Variants in CYRIB observed in about 807,000 individuals in gnomAD.
The protein encoded by CYRIB is CYFIP-related Rac1 interactor B.
Under a neutral mutation model 44.2 loss-of-function variants are expected in CYRIB, and 8 were observed. The observed-to-expected ratio is 0.18, with a 90% CI of 0.11 to 0.33. The LOEUF (loss-of-function observed/expected upper bound fraction) is 0.33, where lower values mean the gene tolerates loss of function less well. Ranked by LOEUF, CYRIB falls within the 10% of genes least tolerant of loss-of-function variation. CYRIB has a pLI of 1.00. For synonymous variants in CYRIB, 131 were observed against 127.2 expected (o/e 1.03, Z -0.20); for missense variants, 185 against 382.8 (o/e 0.48, Z 4.31).
At chr8:129,873,024 A>G (rs2057892980) in intron 3 of CYRIB, among the ~76,000 whole-genome samples, 1 of 152,028 alleles carries the variant, frequency 6.6e-6, no homozygotes, top group Non-Finnish European at 1.5e-5. Context: ...CAAATAGTCA[A>G]AAATATACCA....
intron 4 of CYRIB, among the ~76,000 whole-genome samples, chr8:129,868,125 T>G (rs1248084639): frequency 6.6e-6 from 1 of 152,222 alleles, no homozygotes; most frequent in Non-Finnish European, 1.5e-5. Context: ...ATGACTCTTG[T>G]AACACATCAG....
chr8:129,997,849 G>A (rs747289082), intron 1 of CYRIB, among the ~76,000 whole-genome samples: 5 of 152,096 alleles, frequency 3.3e-5, no homozygotes, highest in Non-Finnish European at 5.9e-5. Context: ...CAGGCCAGGC[G>A]CAGTGGCTCA....
intron 1 of CYRIB, among the ~76,000 whole-genome samples, chr8:129,917,049 T>TGGAAAAGCA (rs2081127860): frequency 6.6e-6 from 1 of 152,210 alleles, no homozygotes; most frequent in Non-Finnish European, 1.5e-5. Flanking sequence ...AGAATGCATG[T>TGGAAAAGCA]TTACTGCTTA....
At chr8:129,934,757 G>A (rs114638621) in intron 1 of CYRIB, among the ~76,000 whole-genome samples, 2,284 of 152,204 alleles carry the variant, frequency 0.015, 67 homozygotes, top group African/African-American at 0.052. Context: ...GGGTCCGAAG[G>A]AATTCCCCAA....
chr8:129,848,042 G>A lies in CYRIB; in HGVS notation c.841-1168C>T, dbSNP rs879763182. 2.4e-4 allele frequency among the ~76,000 whole-genome samples: 36 copies of A among 152,104 alleles called. 1 individual carries two copies. Among genetic ancestry groups the A allele is most frequent in the Admixed American group, 7.9e-4 (12 of 15,274 alleles). Reference sequence around the variant, plus strand: ...GCTGGTCTTGAACTCCTAACCTTAGGTGATCCGCCTGCCTCGGCCTGCCAA... The same window carrying A: ...GCTGGTCTTGAACTCCTAACCTTAGATGATCCGCCTGCCTCGGCCTGCCAA... On this transcript the variant is annotated intron_variant, in intron 10 of 11. Transcript: ENST00000519824.
chr8:129,897,565 G>A (rs2135422160), intron 2 of CYRIB, among the ~76,000 whole-genome samples: 2 of 149,512 alleles, frequency 1.3e-5, no homozygotes, highest in South Asian at 4.3e-4. Context: ...CATTTGCAAA[G>A]GTACAAACAA....
At chr8:129,874,228 G>T (rs933459598) in intron 3 of CYRIB, among the ~76,000 whole-genome samples, 2 of 151,832 alleles carry the variant, frequency 1.3e-5, no homozygotes, top group South Asian at 2.1e-4. Flanking sequence ...TACTACTGAG[G>T]GTAGACATAT....
intron 4 of CYRIB, among the ~76,000 whole-genome samples, chr8:129,869,453 C>A (rs573243173): frequency 6.7e-6 from 1 of 149,582 alleles, no homozygotes; most frequent in South Asian, 2.1e-4. Flanking sequence ...TAAGATTTTT[C>A]TCTTCATAAC....
intron 2 of CYRIB, among the ~76,000 whole-genome samples, chr8:129,897,247 T>C (rs956635594): frequency 6.6e-6 from 1 of 152,204 alleles, no homozygotes; most frequent in Non-Finnish European, 1.5e-5. Flanking sequence ...ACTGCTTAAA[T>C]ACTCTACATG....
chr8:129,997,567 A>T (rs151080879), intron 1 of CYRIB, among the ~76,000 whole-genome samples: 177 of 152,388 alleles, frequency 1.2e-3, no homozygotes, highest in African/African-American at 4.1e-3. Context: ...AAATGTGTGC[A>T]GGGCCTGAGC....
chr8:129,931,262 A>C (rs950379285), intron 1 of CYRIB, among the ~76,000 whole-genome samples: 1 of 152,200 alleles, frequency 6.6e-6, no homozygotes, highest in Non-Finnish European at 1.5e-5. Flanking sequence ...GCCTCCCTGA[A>C]AATGTTCTTA....
chr8:129,852,700 T>C (rs2043964994), intron 7 of CYRIB, among the ~76,000 whole-genome samples: 2 of 152,238 alleles, frequency 1.3e-5, no homozygotes, highest in Admixed American at 1.3e-4. Context: ...GTTATCCTTT[T>C]GCAGGTCATA....
chr8:129,888,510 C>T (rs908926944), intron 2 of CYRIB, among the ~76,000 whole-genome samples: 1 of 152,180 alleles, frequency 6.6e-6, no homozygotes, highest in African/African-American at 2.4e-5. Context: ...CATCTAACCA[C>T]AAAAGCCTGC....
chr8:129,971,933 G>C (rs1213116534), intron 1 of CYRIB, among the ~76,000 whole-genome samples: 1 of 152,216 alleles, frequency 6.6e-6, no homozygotes. Flanking sequence ...GAAGATCTGA[G>C]CAAAGTCGGC....
intron 2 of CYRIB, among the ~76,000 whole-genome samples, chr8:129,887,594 A>G (rs2063301430): frequency 6.6e-6 from 1 of 152,218 alleles, no homozygotes; most frequent in Admixed American, 6.5e-5. Context: ...TGGAAAAGCC[A>G]CACTCAATGC....
chr8:130,000,329 C>T (rs1206076380), intron 1 of CYRIB, among the ~76,000 whole-genome samples: 1 of 152,158 alleles, frequency 6.6e-6, no homozygotes, highest in Non-Finnish European at 1.5e-5. Context: ...CCTTTTGCAT[C>T]TAATCACAGA....
In CYRIB at chr8:129,879,378, C is replaced by A. The variant is rs766529988; in HGVS notation, c.73+11G>T. ...AGGCAAAGAGAAATAGATATAAAATCATCTTCTCACTTTCAAAATCAAGGA... is the reference window on the plus strand; with the variant it reads ...AGGCAAAGAGAAATAGATATAAAATAATCTTCTCACTTTCAAAATCAAGGA... On this transcript the variant is annotated intron_variant, in intron 3 of 11. Coordinates refer to ENST00000519824, the Ensembl canonical transcript of CYRIB. The A allele has an allele frequency of 1.9e-6, 3 of 1,587,346 alleles. No homozygotes were observed. The highest frequency in any genetic ancestry group is 2.2e-5 in the East Asian group (1 of 44,686).
chr8:130,007,734 A>G (rs1413499669), intron 1 of CYRIB, among the ~76,000 whole-genome samples: 1 of 152,130 alleles, frequency 6.6e-6, no homozygotes, highest in East Asian at 1.9e-4. Context: ...CGCTGAGCCG[A>G]GATTGCACCA....
rs534563764 is a variant in CYRIB, at chr8:129,867,878, A to G, written c.195+3497T>C. ...GGTGCAAGAGCACAAACAATTTTAT[A>G]GTTTTTTTTTAAATATACTTCAAAC... On this transcript the variant is annotated intron_variant, in intron 4 of 11. Transcript: ENST00000519824. Among the ~76,000 whole-genome samples the G allele has an allele frequency of 2.6e-5, 4 of 152,280 alleles. No individual in the cohort carries two copies. The East Asian group carries it at 7.7e-4, about 29-fold the overall frequency.
Sources: allele counts gnomAD v4.1 joint callset (sites outside exome capture counted in the v4.1 genomes callset), GRCh38; gene constraint gnomAD v4.1.1; transcripts MANE v1.5; gene names NCBI Gene and HGNC (gene_info 2026-07-23, HGNC 2026-07-21).